The following TNRC6B variants were observed in gnomAD, a reference collection of about 807,000 sequenced individuals.
TNRC6B encodes trinucleotide repeat-containing gene 6B protein.
In TNRC6B, 52 loss-of-function variants were observed where a neutral mutation model predicts 203.6. The observed-to-expected ratio is 0.26, with a 90% CI of 0.20 to 0.32. The LOEUF (loss-of-function observed/expected upper bound fraction) is 0.32. TNRC6B is among the 10% of genes least tolerant of loss of function. The probability of loss-of-function intolerance (pLI) is 1.00; values close to 1 mark genes in which losing one functional copy is unlikely to be tolerated. For missense variants in TNRC6B, 1,923 were observed against 2,286.2 expected, an observed-to-expected ratio of 0.84 and a Z score of 3.24; for synonymous variants, 838 against 845.7, an observed-to-expected ratio of 0.99 and a Z score of 0.16.
At position 40,262,182 on chromosome 22, in the gene TNRC6B, C is replaced by T. The variant is rs1472584418; in HGVS notation, c.457+9C>T. Reference sequence around the variant, plus strand: ...GAGTGGGACTGCGCCAGGTAAGGCACCCTGTGAATCGAATGCATGGCAGCT... The same window carrying T: ...GAGTGGGACTGCGCCAGGTAAGGCATCCTGTGAATCGAATGCATGGCAGCT... On this transcript the variant is annotated intron_variant, in intron 4 of 22. Transcript: ENST00000454349. 4.4e-6 allele frequency: 6 copies of T among 1,369,248 alleles called. No homozygotes were observed. In the East Asian group the frequency reaches 1.0e-4, roughly 23 times the overall value. The allele number at this position is 1,369,248 out of a possible 1,614,324, so 84.8% of individuals were successfully genotyped here. A position where few individuals can be genotyped will look rare whatever the true frequency, so the allele number is the denominator to read the frequency against.
chr22:40,281,286 A>G lies in TNRC6B; in HGVS notation c.3579A>G (p.Arg1193=). 1.9e-6 allele frequency: 3 copies of G among 1,543,618 alleles called. No homozygotes were observed. Among genetic ancestry groups the G allele is most frequent in the South Asian group, 1.2e-5 (1 of 82,828 alleles). The change falls in exon 11 of 23, where the codon AGA becomes AGG. Residue 1193 remains arginine, a synonymous_variant. Coordinates refer to ENST00000454349, the MANE Select transcript of TNRC6B (RefSeq NM_001162501.2). Reference sequence around the variant, plus strand: ...TCAACCCCCAAAACTTCGCTGCTAGACAAGTAAGGAGGCCTCTCAAATTTA... The same window carrying G: ...TCAACCCCCAAAACTTCGCTGCTAGGCAAGTAAGGAGGCCTCTCAAATTTA... ...TGLNPQNFAA[R]QGGSHGLFGN... is the part of the protein sequence containing the mutation.
chr22:40,304,457 C>T (rs1273213039), intron 15 of TNRC6B, among the ~76,000 whole-genome samples: 1 of 152,112 alleles, frequency 6.6e-6, no homozygotes, highest in East Asian at 1.9e-4. Flanking sequence ...GTGATAATGA[C>T]CTATCTAAAA....
At chr22:40,047,360 G>C (rs758474866) in intron 1 of TNRC6B, among the ~76,000 whole-genome samples, 11 of 152,196 alleles carry the variant, frequency 7.2e-5, no homozygotes, top group South Asian at 2.1e-4. Context: ...CCAGCACTTT[G>C]GGAGACCGAG....
intron 3 of TNRC6B, among the ~76,000 whole-genome samples, chr22:40,151,764 T>TA (rs1184433284): frequency 1.5e-5 from 2 of 133,788 alleles, no homozygotes; most frequent in Non-Finnish European, 3.3e-5. Context: ...GAAATTAAAA[T>TA]AAAAAAATCA....
intron 5 of TNRC6B, among the ~76,000 whole-genome samples, chr22:40,267,590 T>G (rs371143026): frequency 3.9e-5 from 6 of 152,318 alleles, no homozygotes; most frequent in East Asian, 1.9e-4. Context: ...TCAGTCCTAG[T>G]GAGATGGCTC....
chr22:40,207,751 G>A (rs372587769), intron 1 of TNRC6B, among the ~76,000 whole-genome samples: 5 of 152,058 alleles, frequency 3.3e-5, no homozygotes, highest in East Asian at 1.9e-4. Context: ...TAGTAATCAA[G>A]GAAATGCTAG....
intron 3 of TNRC6B, among the ~76,000 whole-genome samples, chr22:40,145,115 A>G (rs1321372688): frequency 6.7e-6 from 1 of 149,412 alleles, no homozygotes; most frequent in Non-Finnish European, 1.5e-5. Flanking sequence ...GTGTGCTGGC[A>G]CAGGCCTGTG....
chr22:40,312,982 G>C lies in TNRC6B; in HGVS notation c.4663G>C (p.Val1555Leu). Residue 1555 changes from valine (V) to leucine (L), a missense_variant, in exon 19 of 23, where the codon GTT becomes CTT. Physicochemically the swap from Val to Leu is conservative, Grantham distance 32. Transcript: ENST00000454349. ...YSASDNSFTNVHSTSAKFPDY... is the reference protein window; with the variant it reads ...YSASDNSFTNLHSTSAKFPDY... ...TGCCTCTGACAACTCCTTTACCAAC[G>C]TTCATAGCACTTCAGGTATGAGTGT... 1 of 1,613,512 alleles carries C rather than the reference G, an allele frequency of 6.2e-7. No individual in the cohort carries two copies. Among genetic ancestry groups the C allele is most frequent in the Non-Finnish European group, 8.5e-7 (1 of 1,179,636 alleles).
At chr22:40,079,585 T>TA (rs199933882) in intron 1 of TNRC6B, among the ~76,000 whole-genome samples, 1,745 of 148,802 alleles carry the variant, frequency 0.012, 34 homozygotes, top group African/African-American at 0.043. Flanking sequence ...ATATATATAT[T>TA]TTTTATGATA....
chr22:40,085,502 G>C (rs1569255168), intron 1 of TNRC6B, among the ~76,000 whole-genome samples: 3 of 152,102 alleles, frequency 2.0e-5, no homozygotes, highest in Non-Finnish European at 4.4e-5. Context: ...AAAGAAACTT[G>C]GTTGTTTGTC....
Position 40,266,430 on chromosome 22 carries a change from G to A in TNRC6B, c.2200G>A (p.Gly734Ser). Residue 734 changes from glycine (G) to serine (S), a missense_variant, in exon 5 of 23, where the codon GGT (glycine) becomes AGT (serine). Coordinates refer to ENST00000454349, the MANE Select transcript of TNRC6B (RefSeq NM_001162501.2). ...ENPSKDQGWGGGRQPNQGWSS... is the reference protein window; with the variant it reads ...ENPSKDQGWGSGRQPNQGWSS... ...TCCCAGCAAGGATCAGGGGTGGGGA[G>A]GTGGACGCCAGCCCAATCAAGGATG... The A allele has an allele frequency of 1.9e-6, 3 of 1,613,962 alleles. No individual in the cohort carries two copies. The highest frequency in any genetic ancestry group is 2.5e-6 in the Non-Finnish European group (3 of 1,179,884).
intron 1 of TNRC6B, among the ~76,000 whole-genome samples, chr22:40,111,301 A>G (rs1344220304): frequency 6.8e-6 from 1 of 146,510 alleles, no homozygotes; most frequent in Non-Finnish European, 1.5e-5. Flanking sequence ...GACCGGGGTG[A>G]GCAGGGACCA....
In TNRC6B at chr22:40,264,904, G is replaced by A. The variant is rs748747284; in HGVS notation, c.674G>A (p.Gly225Asp). 3 of 1,613,880 alleles carry A rather than the reference G, an allele frequency of 1.9e-6. No homozygotes were observed. Among genetic ancestry groups the A allele is most frequent in the Non-Finnish European group, 1.7e-6 (2 of 1,179,870 alleles). ...TTDNNSASNP[G>D]SEKSTLPGST... ...GATAACAACAGTGCCTCGAACCCTG[G>A]CTCTGAGAAGAGCACTCTGCCAGGA... Residue 225 changes from glycine (G) to aspartate (D), a missense_variant, in exon 5 of 23, where the codon GGC (glycine) becomes GAC (aspartate). By Grantham distance (94) the Gly-to-Asp change is moderately conservative. This residue lies in a region of TNRC6B where 614 missense variants were observed against 587.7 expected (regional missense o/e 1.04). Coordinates refer to ENST00000454349, the MANE Select transcript of TNRC6B (RefSeq NM_001162501.2).
intron 4 of TNRC6B, chr22:40,156,241 C>A: frequency 6.7e-7 from 1 of 1,495,620 alleles, no homozygotes; most frequent in South Asian, 1.2e-5. Flanking sequence ...CACTTTGGTT[C>A]AACATGCTGA....
chr22:40,291,575 T>C (rs998911643), intron 12 of TNRC6B, among the ~76,000 whole-genome samples: 1 of 152,228 alleles, frequency 6.6e-6, no homozygotes, highest in East Asian at 1.9e-4. Flanking sequence ...ATGTTAACAT[T>C]GTGTCCTTGA....
At chr22:40,136,481 C>G (rs993440756) in intron 3 of TNRC6B, among the ~76,000 whole-genome samples, 1 of 151,328 alleles carries the variant, frequency 6.6e-6, no homozygotes, top group African/African-American at 2.4e-5. Context: ...TCATTGCAGC[C>G]TGAACCTCTT....
intron 2 of TNRC6B, among the ~76,000 whole-genome samples, chr22:40,118,184 A>G (rs1446167827): frequency 6.6e-6 from 1 of 152,144 alleles, no homozygotes; most frequent in Non-Finnish European, 1.5e-5. Context: ...CCTTGTCTCT[A>G]TAGAGACAGC....
intron 1 of TNRC6B, among the ~76,000 whole-genome samples, chr22:40,185,267 G>A (rs1194023088): frequency 6.6e-6 from 1 of 152,160 alleles, no homozygotes; most frequent in East Asian, 1.9e-4. Context: ...GGGATTACAG[G>A]TGTGAGCCAC....
rs893111639 is a variant in TNRC6B, at chr22:40,079,671, T to A, written c.-121+34673T>A. On this transcript the variant is annotated intron_variant, in intron 1 of 23. Transcript: ENST00000301923. ...TCTTGCTCTGTCATCCAGGCTAGAGTACAGTGGCACAATCATAGCTCACTG... is the reference window on the plus strand; with the variant it reads ...TCTTGCTCTGTCATCCAGGCTAGAGAACAGTGGCACAATCATAGCTCACTG... Among the ~76,000 whole-genome samples the A allele has an allele frequency of 5.3e-5, 8 of 152,138 alleles. No homozygotes were observed. The East Asian group carries it at 1.4e-3, about 26-fold the overall frequency.
Sources: gnomAD v4.1 joint callset for allele counts (sites outside exome capture counted in the v4.1 genomes callset) on GRCh38, gnomAD v4.1.1 for gene constraint, gnomAD v4.1.1 regional missense constraint, MANE v1.5 for transcripts, NCBI Gene and HGNC (gene_info 2026-07-23, HGNC 2026-07-21) for gene names.